Variants in AFG3L2 observed in about 807,000 individuals in gnomAD.
AFG3L2 encodes AFG3 like matrix AAA peptidase subunit 2, also known as mitochondrial inner membrane m-AAA protease component AFG3L2.
A neutral mutation model predicts 94.5 loss-of-function variants in AFG3L2; 54 were observed. The observed-to-expected ratio is 0.57, with a 90% CI of 0.46 to 0.72. The LOEUF is 0.72. AFG3L2 is among the 30% of genes least tolerant of loss of function. AFG3L2 has a pLI of 0.00. For synonymous variants in AFG3L2, 377 were observed against 365.5 expected (o/e 1.03, Z -0.36); for missense variants, 754 against 994.9 (o/e 0.76, Z 3.26).
rs754300090 is a variant in AFG3L2, at chr18:12,356,841, T to A, written c.1027-10A>T. The stretch of plus-strand genomic sequence containing the variant: ...CAGTGAGAATGGCACCCTTCAGATA[T>A]GAAAAAAGAAATTACATTTAATGAG... On this transcript the variant is annotated splice_polypyrimidine_tract_variant and intron_variant, in intron 8 of 16. Transcript: ENST00000269143. The A allele has an allele frequency of 2.5e-6, 4 of 1,613,478 alleles. No homozygotes were observed. Among genetic ancestry groups the A allele is most frequent in the Non-Finnish European group, 2.5e-6 (3 of 1,179,818 alleles).
intron 9 of AFG3L2, 88 bp downstream of exon 9, chr18:12,356,606 G>A (rs1313200273): frequency 1.9e-6 from 3 of 1,584,190 alleles, no homozygotes; most frequent in Non-Finnish European, 2.6e-6. Flanking sequence ...GCACTCTAGG[G>A]GGAAGGGCCA....
At chr18:12,366,834 A>G in intron 5 of AFG3L2, 131 bp downstream of exon 5, 1 of 1,311,046 alleles carries the variant, frequency 7.6e-7, no homozygotes, top group Non-Finnish European at 1.1e-6. Flanking sequence ...TCAGCATTAG[A>G]AAAATCTGAG....
intron 6 of AFG3L2, among the ~76,000 whole-genome samples, chr18:12,361,671 C>T (rs111311108): frequency 2.7e-3 from 406 of 152,172 alleles, no homozygotes; most frequent in Non-Finnish European, 4.8e-3. Context: ...AAAACAAAAC[C>T]TCATAGAGAG....
intron 8 of AFG3L2, among the ~76,000 whole-genome samples, chr18:12,357,604 A>G (rs1411270017): frequency 1.3e-5 from 2 of 151,052 alleles, no homozygotes; most frequent in Non-Finnish European, 1.5e-5. Context: ...CAAACAATAC[A>G]CTTTTTTTTT....
At chr18:12,355,855 G>A (rs1036735227) in intron 9 of AFG3L2, among the ~76,000 whole-genome samples, 1 of 151,850 alleles carries the variant, frequency 6.6e-6, no homozygotes, top group Non-Finnish European at 1.5e-5. Flanking sequence ...TGTTTTTTTA[G>A]TAGAGATGGT....
intron 16 of AFG3L2, among the ~76,000 whole-genome samples, chr18:12,336,592 T>A (rs778334585): frequency 8.5e-5 from 13 of 152,212 alleles, no homozygotes; most frequent in Non-Finnish European, 1.6e-4. Flanking sequence ...CTTTCTCTAC[T>A]GCAATTCCCC....
At chr18:12,371,315 C>CAAAAAAAAAAAAA (rs1275446956) in intron 2 of AFG3L2, among the ~76,000 whole-genome samples, 4 of 66,438 alleles carry the variant, frequency 6.0e-5, no homozygotes, top group African/African-American at 2.3e-4. Context: ...ACTCAGTCTC[C>CAAAAAAAAAAAAA]AAAAAAAAAA....
At chr18:12,345,207 C>T (rs1175192083) in intron 13 of AFG3L2, among the ~76,000 whole-genome samples, 1 of 152,218 alleles carries the variant, frequency 6.6e-6, no homozygotes, top group Non-Finnish European at 1.5e-5. Flanking sequence ...CAAACCCCAG[C>T]GACACAGGGC....
rs1210628227 is a variant in AFG3L2, at chr18:12,371,548, C to T, written c.214+44G>A. 8 of 1,551,666 alleles carry T rather than the reference C, an allele frequency of 5.2e-6. No homozygotes were observed. The East Asian group carries it at 1.8e-4, about 35-fold the overall frequency. ...GGGTTACAGAAGGAGACAAAAGACCCAACCTAAGAATGTAGAACACTACAG... is the reference window on the plus strand; with the variant it reads ...GGGTTACAGAAGGAGACAAAAGACCTAACCTAAGAATGTAGAACACTACAG... On this transcript the variant is annotated intron_variant, in intron 2 of 16. Transcript: ENST00000269143.
At chr18:12,376,694 C>T (rs1909167758) in intron 1 of AFG3L2, among the ~76,000 whole-genome samples, 1 of 152,252 alleles carries the variant, frequency 6.6e-6, no homozygotes, top group African/African-American at 2.4e-5. Context: ...ACCAAGCCAA[C>T]ATGACCTTCG....
rs746404423 is a variant in AFG3L2 at position 12,329,801 on chromosome 18, T to A, written c.2176-18A>T. On this transcript the variant is annotated intron_variant, in intron 16 of 16. Transcript: ENST00000269143. The stretch of plus-strand genomic sequence containing the variant: ...AGAGCAACCTGAAATATGAACAATT[T>A]TCATTAAATACAGTTACTCAGCAAA... 6.3e-7 allele frequency: 1 copy of A among 1,592,022 alleles called. No homozygotes were observed. Among genetic ancestry groups the A allele is most frequent in the East Asian group, 2.2e-5 (1 of 44,764 alleles).
intron 9 of AFG3L2, 38 bp from the exon 10 acceptor site, chr18:12,353,196 A>G (rs772383924): frequency 6.2e-7 from 1 of 1,610,764 alleles, no homozygotes; most frequent in South Asian, 1.1e-5. Context: ...TGACCAGAGA[A>G]TATTATGTAT....
At chr18:12,356,915 C>T in intron 8 of AFG3L2, 84 bp from the exon 9 acceptor site, 9 of 1,365,078 alleles carry the variant, frequency 6.6e-6, no homozygotes, top group South Asian at 6.2e-5. Flanking sequence ...CAAGATATAA[C>T]TCTGTCTCTA....
chr18:12,332,834 A>G (rs924368377), intron 16 of AFG3L2, among the ~76,000 whole-genome samples: 1 of 44,704 alleles, frequency 2.2e-5, no homozygotes, highest in Non-Finnish European at 4.4e-5. Context: ...CAATTTGCTT[A>G]TACACACACA....
At chr18:12,337,611 C>T in intron 15 of AFG3L2, 76 bp from the exon 16 acceptor site, 1 of 1,442,482 alleles carries the variant, frequency 6.9e-7, no homozygotes, top group Non-Finnish European at 9.7e-7. Context: ...CAGCCTGGAG[C>T]CGGCTAAAGT....
At chr18:12,338,838 CATATG>C (rs1450556276) in intron 15 of AFG3L2, among the ~76,000 whole-genome samples, 1 of 152,076 alleles carries the variant, frequency 6.6e-6, no homozygotes, top group Non-Finnish European at 1.5e-5. Context: ...AGGGAAATGA[CATATG>C]ATATGAAAGA....
Position 12,331,907 on chromosome 18 carries a change from C to T in AFG3L2, c.2176-2124G>A, listed in dbSNP as rs1907544973. ...AATGAAGGCAGGAAGGTTAATGTGA[C>T]AGTAGTTTACTTTGAAGTTCTATTC... On this transcript the variant is annotated intron_variant, in intron 16 of 16. Transcript: ENST00000269143. Among the ~76,000 whole-genome samples the T allele has an allele frequency of 5.3e-5, 8 of 151,404 alleles. No homozygotes were observed. The South Asian group carries it at 1.7e-3, about 31-fold the overall frequency.
At chr18:12,338,793 G>A (rs189643669) in intron 15 of AFG3L2, among the ~76,000 whole-genome samples, 7 of 152,072 alleles carry the variant, frequency 4.6e-5, no homozygotes, top group South Asian at 2.1e-4. Context: ...GAGGAAATCC[G>A]TATCTTCTTA....
chr18:12,347,937 A>G (rs1180959213), intron 13 of AFG3L2, among the ~76,000 whole-genome samples: 1 of 152,190 alleles, frequency 6.6e-6, no homozygotes, highest in Non-Finnish European at 1.5e-5. Context: ...GAAGGTTGTG[A>G]GCTTTTTAAC....
Sources: allele counts gnomAD v4.1 joint callset (sites outside exome capture counted in the v4.1 genomes callset), GRCh38; gene constraint gnomAD v4.1.1; transcripts MANE v1.5; gene names NCBI Gene and HGNC (gene_info 2026-07-23, HGNC 2026-07-21).